Variants in CACNA1E observed in about 807,000 individuals in gnomAD.
CACNA1E encodes the protein voltage-dependent R-type calcium channel subunit alpha-1E.
In CACNA1E, 40 loss-of-function variants were observed where a neutral mutation model predicts 259.2. The observed-to-expected ratio is 0.15, with a 90% CI of 0.12 to 0.20. The LOEUF is 0.20. CACNA1E is among the 10% of genes least tolerant of loss of function. CACNA1E has a pLI of 1.00. For synonymous variants in CACNA1E, 1,104 were observed against 1,138.5 expected (o/e 0.97, Z 0.61); for missense variants, 1,874 against 3,040.1 (o/e 0.62, Z 9.02).
intron 2 of CACNA1E, among the ~76,000 whole-genome samples, chr1:181,419,958 T>C (rs1423731104): frequency 6.6e-6 from 1 of 152,160 alleles, no homozygotes; most frequent in Non-Finnish European, 1.5e-5. Flanking sequence ...CTGACTTATG[T>C]TCTTTAGACA....
chr1:181,701,253 A>G (rs557941079), intron 7 of CACNA1E, among the ~76,000 whole-genome samples: 1 of 152,236 alleles, frequency 6.6e-6, no homozygotes, highest in Non-Finnish European at 1.5e-5. Flanking sequence ...GACACCTCCA[A>G]AGCTTTTGGG....
At chr1:181,443,142 ATTTC>A (rs1417539567) in intron 2 of CACNA1E, among the ~76,000 whole-genome samples, 1 of 152,182 alleles carries the variant, frequency 6.6e-6, no homozygotes, top group Non-Finnish European at 1.5e-5. Context: ...TTTATACTCA[ATTTC>A]TTTCTCTGCA....
rs1191607538 is a variant in CACNA1E, at chr1:181,654,157, A to T, written c.1055+2716A>T. Among the ~76,000 whole-genome samples, 4 of 57,428 alleles carry T rather than the reference A, an allele frequency of 7.0e-5. No individual in the cohort carries two copies. In the South Asian group the frequency reaches 1.6e-3, roughly 23 times the overall value. 37.7% of individuals were successfully genotyped at this position (57,428 alleles called of 152,430 possible). ...TACAGAATAACAGGCCAATAAATTA[A>T]AAAAAAAAACATTTAGAGGTTAAGG... On this transcript the variant is annotated intron_variant, in intron 7 of 47. Transcript: ENST00000367573.
At chr1:181,740,288 A>G (rs2102598620) in intron 25 of CACNA1E, among the ~76,000 whole-genome samples, 1 of 152,262 alleles carries the variant, frequency 6.6e-6, no homozygotes, top group East Asian at 1.9e-4. Context: ...GTATCTTCAT[A>G]CGTTTACCCT....
At chr1:181,553,290 T>G (rs567795102) in intron 3 of CACNA1E, among the ~76,000 whole-genome samples, 91 of 152,352 alleles carry the variant, frequency 6.0e-4, no homozygotes, top group African/African-American at 2.1e-3. Flanking sequence ...CATTCATGAT[T>G]CGGCTCTCTG....
chr1:181,412,602 C>T (rs1286176414), intron 1 of CACNA1E, among the ~76,000 whole-genome samples: 2 of 151,082 alleles, frequency 1.3e-5, no homozygotes, highest in African/African-American at 4.9e-5. Flanking sequence ...GGCTTGGTGC[C>T]CCCAGGCACG....
chr1:181,738,989 A>G (rs1656315067), intron 24 of CACNA1E, among the ~76,000 whole-genome samples, 158 bp from the exon 25 acceptor site: 2 of 152,256 alleles, frequency 1.3e-5, no homozygotes, highest in East Asian at 3.9e-4. Flanking sequence ...AGTTATGTGG[A>G]GAAAGCCTGC....
chr1:181,755,553 A>G (rs1416204725), intron 28 of CACNA1E, among the ~76,000 whole-genome samples, 156 bp downstream of exon 28: 1 of 152,224 alleles, frequency 6.6e-6, no homozygotes, highest in Non-Finnish European at 1.5e-5. Flanking sequence ...CTTTTTACTG[A>G]GTGCCTCTTT....
chr1:181,412,093 C>T (rs577643085), intron 1 of CACNA1E, among the ~76,000 whole-genome samples: 38 of 152,236 alleles, frequency 2.5e-4, no homozygotes, highest in African/African-American at 7.5e-4. Context: ...TCTCAGTCAA[C>T]GCTGATTGAA....
intron 3 of CACNA1E, among the ~76,000 whole-genome samples, chr1:181,537,696 A>G (rs1411222308): frequency 6.6e-6 from 1 of 152,164 alleles, no homozygotes; most frequent in Non-Finnish European, 1.5e-5. Context: ...GGTAGTGGTG[A>G]TTCTCAGTTA....
chr1:181,364,441 G>C (rs1197567053), intron 1 of CACNA1E, among the ~76,000 whole-genome samples: 1 of 152,142 alleles, frequency 6.6e-6, no homozygotes, highest in African/African-American at 2.4e-5. Context: ...TGGCAGGCAC[G>C]CAGTAAACAT....
At chr1:181,785,606 CA>C in intron 42 of CACNA1E, 106 bp from the exon 43 acceptor site, 1 of 929,670 alleles carries the variant, frequency 1.1e-6, no homozygotes, top group South Asian at 1.3e-5. Context: ...AATGGTCAAA[CA>C]AGGGATAAGT....
chr1:181,742,831 G>A (rs185712697), intron 25 of CACNA1E, among the ~76,000 whole-genome samples: 1 of 152,314 alleles, frequency 6.6e-6, no homozygotes, highest in East Asian at 1.9e-4. Flanking sequence ...CTCCACAGCT[G>A]CATACATCAA....
chr1:181,733,234 C>T (rs953346872), intron 20 of CACNA1E, among the ~76,000 whole-genome samples, 200 bp downstream of exon 20: 3 of 152,186 alleles, frequency 2.0e-5, no homozygotes, highest in Non-Finnish European at 2.9e-5. Context: ...GGAAGTGGGT[C>T]GTGGATAGAA....
chr1:181,537,593 A>G (rs1230230834), intron 3 of CACNA1E, among the ~76,000 whole-genome samples: 1 of 152,160 alleles, frequency 6.6e-6, no homozygotes. Flanking sequence ...CCTGTCTGAG[A>G]GAGAAGTTGA....
intron 1 of CACNA1E, among the ~76,000 whole-genome samples, chr1:181,372,671 G>T (rs1302821897): frequency 2.6e-5 from 4 of 152,006 alleles, no homozygotes; most frequent in African/African-American, 7.3e-5. Flanking sequence ...TCGTTATCTT[G>T]TTCCAATTCT....
chr1:181,750,527 G>A, intron 26 of CACNA1E, 40 bp downstream of exon 26: 1 of 1,600,308 alleles, frequency 6.2e-7, no homozygotes, highest in Non-Finnish European at 8.6e-7. Flanking sequence ...ACGATACAAG[G>A]AATGAGTTGG....
intron 18 of CACNA1E, among the ~76,000 whole-genome samples, chr1:181,730,018 C>T (rs1276743280): frequency 1.3e-5 from 2 of 152,160 alleles, no homozygotes; most frequent in African/African-American, 4.8e-5. Flanking sequence ...ACAGGCTTCT[C>T]CACAATGATG....
Position 181,407,870 on chromosome 1 carries a change from A to G in CACNA1E, c.-14-5263A>G, listed in dbSNP as rs368402833. 3.3e-5 allele frequency among the ~76,000 whole-genome samples: 5 copies of G among 152,322 alleles called. No individual in the cohort carries two copies. The South Asian group carries it at 6.2e-4, about 19-fold the overall frequency. Reference sequence around the variant, plus strand: ...TTTTAGAATTAACTCAACACGATATATAAGTTGTAGAGTATCATATCTCAA... The same window carrying G: ...TTTTAGAATTAACTCAACACGATATGTAAGTTGTAGAGTATCATATCTCAA... On this transcript the variant is annotated intron_variant, in intron 1 of 11. Transcript: ENST00000524607.
Sources: gnomAD v4.1 joint callset for allele counts (sites outside exome capture counted in the v4.1 genomes callset) on GRCh38, gnomAD v4.1.1 for gene constraint, MANE v1.5 for transcripts, NCBI Gene and HGNC (gene_info 2026-07-23, HGNC 2026-07-21) for gene names.